The following SMURF2 variants were observed in gnomAD, a reference collection of about 807,000 sequenced individuals.
SMURF2 encodes E3 ubiquitin-protein ligase SMURF2.
In SMURF2, 48 loss-of-function variants were observed where a neutral mutation model predicts 109.6. The ratio of observed to expected loss-of-function variants is 0.44; its 90% CI spans 0.35 to 0.56. The LOEUF is 0.56. Among genes scored for constraint, SMURF2 ranks in the 20% least tolerant of loss-of-function variants. The pLI is 0.01. For synonymous variants in SMURF2, 288 were observed against 317.1 expected, an observed-to-expected ratio of 0.91 and a Z score of 0.97; for missense variants, 575 against 909.0, an observed-to-expected ratio of 0.63 and a Z score of 4.72.
intron 8 of SMURF2, among the ~76,000 whole-genome samples, 164 bp from the exon 9 acceptor site, chr17:64,578,740 G>A (rs1555686292): frequency 6.6e-6 from 1 of 152,122 alleles, no homozygotes; most frequent in Non-Finnish European, 1.5e-5. Context: ...TCTGTCTCTT[G>A]GAAACAATTT....
chr17:64,583,732 A>G (rs1029100847), intron 6 of SMURF2, among the ~76,000 whole-genome samples, 188 bp from the exon 7 acceptor site: 6 of 152,210 alleles, frequency 3.9e-5, no homozygotes, highest in African/African-American at 9.6e-5. Flanking sequence ...TGAAGCTTCT[A>G]AAGTATTTAT....
At chr17:64,598,077 A>G (rs1396470480) in intron 3 of SMURF2, among the ~76,000 whole-genome samples, 17 of 152,190 alleles carry the variant, frequency 1.1e-4, no homozygotes, top group African/African-American at 4.1e-4. Flanking sequence ...CCAAATCCTT[A>G]TTTCTGGTTT....
intron 1 of SMURF2, among the ~76,000 whole-genome samples, chr17:64,656,017 A>T (rs1453340912): frequency 6.6e-6 from 1 of 152,244 alleles, no homozygotes; most frequent in Non-Finnish European, 1.5e-5. Context: ...AAGATACTAC[A>T]TCACTGTGGA....
intron 4 of SMURF2, among the ~76,000 whole-genome samples, chr17:64,591,421 A>T (rs1969750098): frequency 6.6e-6 from 1 of 152,208 alleles, no homozygotes; most frequent in South Asian, 2.1e-4. Context: ...ATATGACAAT[A>T]TGTGAATCCT....
rs1381248623 is a variant in SMURF2 at position 64,662,066 on chromosome 17, C to T, written c.-186G>A. Reference sequence around the variant, plus strand: ...GCGGAGGGAGCGGGACGCCGAGCTCCCCCCTCCTCCCACTTCTCCTTCCTC... The same window carrying T: ...GCGGAGGGAGCGGGACGCCGAGCTCTCCCCTCCTCCCACTTCTCCTTCCTC... On this transcript the variant is annotated 5_prime_UTR_variant, in exon 1 of 19. Transcript: ENST00000262435. 4.6e-6 allele frequency: 5 copies of T among 1,098,304 alleles called. No homozygotes were observed. Among genetic ancestry groups the T allele is most frequent in the African/African-American group, 1.7e-5 (1 of 59,440 alleles). The allele number at this position is 1,098,304 out of a possible 1,614,324, so 68.0% of individuals were successfully genotyped here.
At chr17:64,562,021 G>A (rs2144605103) in intron 11 of SMURF2, among the ~76,000 whole-genome samples, 1 of 152,060 alleles carries the variant, frequency 6.6e-6, no homozygotes. Context: ...GAGGCCAGGT[G>A]CAGTGGCTCA....
intron 16 of SMURF2, among the ~76,000 whole-genome samples, chr17:64,550,216 G>C (rs532708070): frequency 6.6e-6 from 1 of 152,140 alleles, no homozygotes; most frequent in Non-Finnish European, 1.5e-5. Context: ...TTGCTAACAG[G>C]TCTATTAACA....
chr17:64,601,672 G>C (rs566321573), intron 2 of SMURF2, among the ~76,000 whole-genome samples: 23 of 152,072 alleles, frequency 1.5e-4, no homozygotes, highest in Non-Finnish European at 2.9e-4. Flanking sequence ...TAGATCTACT[G>C]TTTGATCTAG....
chr17:64,611,631 T>C (rs1299864435), intron 1 of SMURF2, among the ~76,000 whole-genome samples: 3 of 152,182 alleles, frequency 2.0e-5, no homozygotes, highest in African/African-American at 7.2e-5. Context: ...TACTTCTCTC[T>C]ATTACCGATG....
chr17:64,639,202 T>C (rs756146144), intron 1 of SMURF2, among the ~76,000 whole-genome samples: 4 of 152,204 alleles, frequency 2.6e-5, no homozygotes, highest in African/African-American at 9.6e-5. Flanking sequence ...TCATATATTA[T>C]ATACCAATAA....
chr17:64,599,514 A>AGGTTC (rs1466470611), intron 2 of SMURF2, among the ~76,000 whole-genome samples: 1 of 152,228 alleles, frequency 6.6e-6, no homozygotes, highest in Non-Finnish European at 1.5e-5. Flanking sequence ...GGGCCGGTAC[A>AGGTTC]GGTTCGTGGC....
In SMURF2 at chr17:64,642,786, T is replaced by TTTTA. The variant is rs200591510; in HGVS notation, c.52+19039_52+19042dup. On this transcript the variant is annotated intron_variant, in intron 1 of 18. Coordinates refer to ENST00000262435, the MANE Select transcript of SMURF2 (RefSeq NM_022739.4). ...ATCAACCAACCAATTTTAAGTTGAA[T>TTTTA]TTTATTTATTTATTTATTTATTTTT... is the stretch of plus-strand genomic sequence containing the variant. 4.0e-3 allele frequency among the ~76,000 whole-genome samples: 603 copies of TTTTA among 152,168 alleles called. 3 individuals carry two copies. In the East Asian group the frequency reaches 0.042, roughly 11 times the overall value.
intron 10 of SMURF2, among the ~76,000 whole-genome samples, chr17:64,564,845 T>C (rs1969278115): frequency 6.6e-6 from 1 of 152,214 alleles, no homozygotes; most frequent in South Asian, 2.1e-4. Context: ...TTCTGTTGTT[T>C]TAAGCCATCC....
chr17:64,566,000 G>C (rs1258348507), intron 10 of SMURF2, among the ~76,000 whole-genome samples: 1 of 151,848 alleles, frequency 6.6e-6, no homozygotes, highest in Non-Finnish European at 1.5e-5. Context: ...AAATTTCCAA[G>C]AGAGAAAAAC....
At chr17:64,586,700 G>A (rs1414513196) in intron 5 of SMURF2, among the ~76,000 whole-genome samples, 2 of 137,178 alleles carry the variant, frequency 1.5e-5, no homozygotes, top group Non-Finnish European at 3.0e-5. Flanking sequence ...GCAGTGAGCT[G>A]AGATCGCGCC....
chr17:64,638,062 CTTT>C (rs1195172818), intron 1 of SMURF2, among the ~76,000 whole-genome samples: 1 of 102,420 alleles, frequency 9.8e-6, no homozygotes, highest in Non-Finnish European at 1.9e-5. Flanking sequence ...TTTCCTTTTT[CTTT>C]TTTTTTTTTT....
At chr17:64,555,763 A>AT in intron 14 of SMURF2, 57 bp downstream of exon 14, 35 of 1,253,192 alleles carry the variant, frequency 2.8e-5, no homozygotes, top group Non-Finnish European at 3.7e-5. Flanking sequence ...GTTTTGAAAC[A>AT]TATTTTTTTT....
chr17:64,605,568 G>GTAAA (rs1404568925), intron 2 of SMURF2, among the ~76,000 whole-genome samples: 6 of 150,780 alleles, frequency 4.0e-5, no homozygotes, highest in Middle Eastern at 3.4e-3. Context: ...ACAAAGAATA[G>GTAAA]TAAATAAATA....
intron 1 of SMURF2, among the ~76,000 whole-genome samples, chr17:64,652,529 C>T (rs1415866355): frequency 1.3e-5 from 2 of 152,170 alleles, no homozygotes; most frequent in Non-Finnish European, 2.9e-5. Flanking sequence ...GCTCTGTCGC[C>T]CAGGCTGGAG....
Sources: gnomAD v4.1 joint callset for allele counts (sites outside exome capture counted in the v4.1 genomes callset) on GRCh38, gnomAD v4.1.1 for gene constraint, MANE v1.5 for transcripts, NCBI Gene and HGNC (gene_info 2026-07-23, HGNC 2026-07-21) for gene names.